The following SUMF1 variants were observed in gnomAD, a reference collection of about 807,000 sequenced individuals.
The protein encoded by SUMF1 is formylglycine-generating enzyme.
In SUMF1, 48 loss-of-function variants were observed where a neutral mutation model predicts 47.6. That is an observed-to-expected ratio of 1.01 (90% CI 0.80 to 1.28). SUMF1 has a LOEUF of 1.28. Among genes scored for constraint, SUMF1 ranks in the 50% most tolerant of loss-of-function variants. SUMF1 has a pLI of 0.00. For synonymous variants in SUMF1, 230 were observed against 192.1 expected (o/e 1.20, Z -1.63); for missense variants, 571 against 485.4 (o/e 1.18, Z -1.66).
intron 8 of SUMF1, among the ~76,000 whole-genome samples, chr3:4,269,177 A>AT (rs1361318727): frequency 1.3e-5 from 2 of 152,020 alleles, no homozygotes; most frequent in East Asian, 3.9e-4. Context: ...ACACAGAATC[A>AT]TTTTTTTATT....
rs139330640 is a variant in SUMF1, at chr3:4,445,141, A to C, written c.519+4125T>G. ...TAAATTTTTGATACAACCCCAAAAT[A>C]AGTGAGTTGTATCAATGGTCAGCTT... is the stretch of plus-strand genomic sequence containing the variant. On this transcript the variant is annotated intron_variant, in intron 3 of 8. Coordinates refer to ENST00000272902, the MANE Select transcript of SUMF1 (RefSeq NM_182760.4). Among the ~76,000 whole-genome samples, 354 of 152,332 alleles carry C rather than the reference A, an allele frequency of 2.3e-3. 2 individuals are homozygous for C. Among genetic ancestry groups the C allele is most frequent in the African/African-American group, 8.2e-3 (342 of 41,566 alleles).
intron 9 of SUMF1, among the ~76,000 whole-genome samples, chr3:4,055,829 G>A (rs916931384): frequency 6.6e-6 from 1 of 152,124 alleles, no homozygotes; most frequent in East Asian, 1.9e-4. Context: ...AGTTCACTGG[G>A]CTATAATCAA....
At chr3:4,042,262 T>C (rs1450358069) in intron 9 of SUMF1, among the ~76,000 whole-genome samples, 2 of 152,238 alleles carry the variant, frequency 1.3e-5, no homozygotes, top group Non-Finnish European at 2.9e-5. Context: ...ACATCTATTA[T>C]GTCACCTGAT....
intron 8 of SUMF1, among the ~76,000 whole-genome samples, chr3:4,221,939 C>T (rs1490495942): frequency 2.0e-5 from 3 of 150,332 alleles, no homozygotes; most frequent in African/African-American, 7.4e-5. Flanking sequence ...TTTTGTATAT[C>T]CTCTGATTTT....
At chr3:4,436,867 C>T (rs200781684) in intron 3 of SUMF1, among the ~76,000 whole-genome samples, 1 of 124,312 alleles carries the variant, frequency 8.0e-6, no homozygotes. Context: ...AAAAAAAATA[C>T]AAAAAACAAA....
intron 8 of SUMF1, among the ~76,000 whole-genome samples, chr3:4,107,758 C>T (rs1036120861): frequency 6.6e-5 from 10 of 152,010 alleles, no homozygotes; most frequent in Admixed American, 5.9e-4. Flanking sequence ...TTTGAGGCTG[C>T]AATGAGCTAT....
chr3:4,296,421 T>C (rs565121791), intron 8 of SUMF1, among the ~76,000 whole-genome samples: 6 of 151,852 alleles, frequency 4.0e-5, no homozygotes, highest in African/African-American at 1.4e-4. Flanking sequence ...AAGACATACC[T>C]GAGACTGGGT....
intron 8 of SUMF1, among the ~76,000 whole-genome samples, chr3:4,180,394 G>A (rs1326473474): frequency 6.6e-6 from 1 of 152,050 alleles, no homozygotes; most frequent in African/African-American, 2.4e-5. Context: ...GTCCTTTGCA[G>A]GAACATGAAT....
At chr3:4,286,828 T>C (rs1380142088) in intron 8 of SUMF1, among the ~76,000 whole-genome samples, 1 of 152,112 alleles carries the variant, frequency 6.6e-6, no homozygotes, top group African/African-American at 2.4e-5. Context: ...TTATGAAGCA[T>C]TTTAGACATG....
At chr3:4,156,920 G>A (rs1357602664) in intron 8 of SUMF1, among the ~76,000 whole-genome samples, 1 of 151,572 alleles carries the variant, frequency 6.6e-6, no homozygotes, top group Non-Finnish European at 1.5e-5. Context: ...AAATGCATGT[G>A]TCTTCATATG....
chr3:4,302,036 G>T (rs1437733359), intron 8 of SUMF1, among the ~76,000 whole-genome samples: 3 of 152,174 alleles, frequency 2.0e-5, no homozygotes, highest in African/African-American at 7.2e-5. Context: ...AACAAGGAAA[G>T]GTCTGCAAGA....
rs184815842 is a variant in SUMF1, at chr3:4,265,653, C to T, written c.1014+110677G>A. On this transcript the variant is annotated intron_variant and NMD_transcript_variant, in intron 8 of 12. Transcript: ENST00000448413. ...AGCCCTTTGTCAGATGAGTAGGTTGCGAAAATTTTCTCCCATTTTCTGGGT... is the reference window on the plus strand; with the variant it reads ...AGCCCTTTGTCAGATGAGTAGGTTGTGAAAATTTTCTCCCATTTTCTGGGT... 1.4e-3 allele frequency among the ~76,000 whole-genome samples: 214 copies of T among 152,080 alleles called. 1 individual carries two copies. The highest frequency in any genetic ancestry group is 4.2e-3 in the African/African-American group (173 of 41,500).
chr3:4,394,916 C>G (rs1031783669), intron 7 of SUMF1, among the ~76,000 whole-genome samples: 3 of 152,152 alleles, frequency 2.0e-5, no homozygotes, highest in East Asian at 1.9e-4. Context: ...CTAAAAGAAG[C>G]CTCTTTCAAT....
At chr3:4,250,547 T>A (rs1439099454) in intron 8 of SUMF1, among the ~76,000 whole-genome samples, 2 of 152,118 alleles carry the variant, frequency 1.3e-5, no homozygotes, top group Non-Finnish European at 2.9e-5. Context: ...AACAGCCTTA[T>A]ACTGGAAGTA....
intron 8 of SUMF1, among the ~76,000 whole-genome samples, chr3:4,374,146 TA>T (rs1466189974): frequency 6.6e-6 from 1 of 152,156 alleles, no homozygotes; most frequent in Non-Finnish European, 1.5e-5. Context: ...GGTCTACTCT[TA>T]CCATTCCTAT....
intron 8 of SUMF1, among the ~76,000 whole-genome samples, chr3:4,288,495 G>GA (rs1697679114): frequency 6.6e-6 from 1 of 152,236 alleles, no homozygotes; most frequent in East Asian, 1.9e-4. Context: ...ACAGTGGTAT[G>GA]AAAAATTGAA....
intron 3 of SUMF1, among the ~76,000 whole-genome samples, chr3:4,420,669 T>C (rs1382345880): frequency 1.3e-5 from 2 of 152,138 alleles, no homozygotes; most frequent in Non-Finnish European, 2.9e-5. Context: ...GTGCTGGGAT[T>C]ACAGGAGTGA....
At chr3:4,176,036 T>C (rs2686718) in intron 8 of SUMF1, among the ~76,000 whole-genome samples, 51,331 of 151,986 alleles carry the variant, frequency 0.34, 8,815 homozygotes, top group East Asian at 0.4. Context: ...TATGGGACTA[T>C]GTGAAAAGAC....
At chr3:4,459,396 G>A (rs2079751760) in intron 1 of SUMF1, among the ~76,000 whole-genome samples, 1 of 151,996 alleles carries the variant, frequency 6.6e-6, no homozygotes, top group Non-Finnish European at 1.5e-5. Flanking sequence ...AAGGAGAGAT[G>A]GACTAGTTGG....
Sources: allele counts gnomAD v4.1 joint callset (sites outside exome capture counted in the v4.1 genomes callset), GRCh38; gene constraint gnomAD v4.1.1; transcripts MANE v1.5; gene names NCBI Gene and HGNC (gene_info 2026-07-23, HGNC 2026-07-21).